Variants in PPFIA2 observed in about 807,000 individuals in gnomAD.
The protein encoded by PPFIA2 is liprin-alpha-2.
Under a neutral mutation model 175.5 loss-of-function variants are expected in PPFIA2, and 46 were observed. That is an observed-to-expected ratio of 0.26 (90% confidence interval 0.21 to 0.34). The LOEUF (loss-of-function observed/expected upper bound fraction) is 0.34, where lower values mean the gene tolerates loss of function less well. Among genes scored for constraint, PPFIA2 ranks in the 10% least tolerant of loss-of-function variants. The pLI is 1.00. For synonymous variants in PPFIA2, 568 were observed against 511.4 expected (o/e 1.11, Z -1.49); for missense variants, 1,179 against 1,506.1 (o/e 0.78, Z 3.60).
At chr12:81,356,798 A>G (rs1455872622) in intron 16 of PPFIA2, among the ~76,000 whole-genome samples, 1 of 152,202 alleles carries the variant, frequency 6.6e-6, no homozygotes, top group Non-Finnish European at 1.5e-5. Flanking sequence ...CAATTTGTAA[A>G]AAACTGACAA....
chr12:81,546,532 T>C (rs529032056), intron 4 of PPFIA2: 13 of 152,288 alleles, frequency 8.5e-5, no homozygotes, highest in African/African-American at 2.4e-4. Context: ...CTAGGATAAA[T>C]TTATTTTATT....
intron 4 of PPFIA2, among the ~76,000 whole-genome samples, chr12:81,637,703 A>G (rs1015702579): frequency 1.3e-5 from 2 of 152,148 alleles, no homozygotes; most frequent in Non-Finnish European, 2.9e-5. Context: ...ATGAAAGATG[A>G]TTAGCCATGG....
At chr12:81,588,948 T>TTAGC (rs2075657172) in intron 4 of PPFIA2, among the ~76,000 whole-genome samples, 1 of 152,104 alleles carries the variant, frequency 6.6e-6, no homozygotes, top group South Asian at 2.1e-4. Flanking sequence ...TAGAGTTATT[T>TTAGC]TAGCTAGGTA....
intron 4 of PPFIA2, among the ~76,000 whole-genome samples, chr12:81,644,825 T>C (rs2065833283): frequency 6.6e-6 from 1 of 152,140 alleles, no homozygotes; most frequent in South Asian, 2.1e-4. Context: ...AAATGAGCAG[T>C]GAAAATGCAT....
intron 4 of PPFIA2, among the ~76,000 whole-genome samples, chr12:81,644,803 T>C (rs182444384): frequency 4.6e-5 from 7 of 152,258 alleles, no homozygotes; most frequent in South Asian, 4.1e-4. Context: ...TTGAGCATGA[T>C]TTTAAGTCGC....
rs748566393 is a variant in PPFIA2 at position 81,277,338 on chromosome 12, C to A, written c.3289G>T (p.Ala1097Ser). Residue 1097 changes from alanine to serine, a missense_variant, in exon 28 of 33, where the codon GCA becomes TCA. Ala to Ser is a moderately conservative substitution (Grantham distance 99). Transcript: ENST00000549396. ...TTACCTTTTATTTCATGTTGGCTTGCTTCCCGTCTTCTTTCTAGTTCTTTT... is the reference window on the plus strand; with the variant it reads ...TTACCTTTTATTTCATGTTGGCTTGATTCCCGTCTTCTTTCTAGTTCTTTT... ...DRKELERRRE[A>S]SQHEIKDVLV... is the part of the protein sequence containing the mutation. The A allele has an allele frequency of 4.5e-6, 7 of 1,568,584 alleles. No homozygotes were observed. The highest frequency in any genetic ancestry group is 6.1e-6 in the Non-Finnish European group (7 of 1,155,884).
At chr12:81,475,847 G>A (rs1012337805) in intron 4 of PPFIA2, among the ~76,000 whole-genome samples, 58 of 152,180 alleles carry the variant, frequency 3.8e-4, no homozygotes, top group Non-Finnish European at 5.7e-4. Context: ...GAGTAGCTGG[G>A]ACTACAGGTG....
At chr12:81,467,422 C>T (rs2055878456) in intron 4 of PPFIA2, among the ~76,000 whole-genome samples, 2 of 152,212 alleles carry the variant, frequency 1.3e-5, no homozygotes, top group African/African-American at 4.8e-5. Flanking sequence ...GGCGTGGTGG[C>T]TCACGCTTGT....
intron 4 of PPFIA2, among the ~76,000 whole-genome samples, chr12:81,659,599 T>C (rs1341677827): frequency 2.0e-5 from 3 of 152,212 alleles, no homozygotes; most frequent in African/African-American, 2.4e-5. Context: ...AAGGAGGCCC[T>C]GCCTGCCTCT....
chr12:81,369,404 T>C (rs905639050), intron 11 of PPFIA2: 1 of 1,400,148 alleles, frequency 7.1e-7, no homozygotes, highest in African/African-American at 1.5e-5. Flanking sequence ...AGCAAAACAT[T>C]GGAGTTATTT....
At chr12:81,667,246 C>G (rs2070513389) in intron 4 of PPFIA2, among the ~76,000 whole-genome samples, 1 of 152,076 alleles carries the variant, frequency 6.6e-6, no homozygotes, top group South Asian at 2.1e-4. Context: ...TTACATAAAA[C>G]AATCTTTCCT....
At chr12:81,379,149 C>T (rs1459172014) in intron 9 of PPFIA2, among the ~76,000 whole-genome samples, 8 of 151,910 alleles carry the variant, frequency 5.3e-5, no homozygotes, top group Non-Finnish European at 7.4e-5. Context: ...GGCTGTGTTG[C>T]CAAAAATAAA....
intron 24 of PPFIA2, among the ~76,000 whole-genome samples, chr12:81,286,180 A>C (rs2043320151): frequency 6.6e-6 from 1 of 152,126 alleles, no homozygotes; most frequent in Non-Finnish European, 1.5e-5. Flanking sequence ...TTTGTGTTTT[A>C]AGCTAAGTAT....
chr12:81,281,982 C>G (rs763892759), intron 26 of PPFIA2, among the ~76,000 whole-genome samples: 1 of 151,888 alleles, frequency 6.6e-6, no homozygotes, highest in African/African-American at 2.4e-5. Flanking sequence ...CAAAGCAGGT[C>G]GTCAGCTTTC....
intron 3 of PPFIA2, among the ~76,000 whole-genome samples, chr12:81,742,644 G>T (rs1486042269): frequency 6.6e-6 from 1 of 152,178 alleles, no homozygotes; most frequent in African/African-American, 2.4e-5. Context: ...AAATTCTGAA[G>T]TCATCAACAT....
chr12:81,693,793 G>A (rs577268265), intron 3 of PPFIA2, among the ~76,000 whole-genome samples: 7 of 152,222 alleles, frequency 4.6e-5, no homozygotes, highest in South Asian at 4.1e-4. Flanking sequence ...TAGTAATATG[G>A]ATGGTAAGGT....
chr12:81,679,921 T>A (rs898630263), intron 3 of PPFIA2, among the ~76,000 whole-genome samples: 2 of 152,126 alleles, frequency 1.3e-5, no homozygotes, highest in African/African-American at 4.8e-5. Context: ...GGACATATGA[T>A]TACTACATAG....
rs914069995 is a variant in PPFIA2 at position 81,662,517 on chromosome 12, T to G, written c.303+14274A>C. Among the ~76,000 whole-genome samples, 8 of 152,278 alleles carry G rather than the reference T, an allele frequency of 5.3e-5. No homozygotes were observed. The South Asian group carries it at 8.3e-4, about 16-fold the overall frequency. The stretch of plus-strand genomic sequence containing the variant: ...CTAAACCAGGAAGAAGTTGAATCTC[T>G]GAATAGACCAATAACAGGCTCTGAA... On this transcript the variant is annotated intron_variant, in intron 4 of 32. Transcript: ENST00000549396.
At chr12:81,399,955 T>C (rs1239209726) in intron 8 of PPFIA2, among the ~76,000 whole-genome samples, 2 of 152,108 alleles carry the variant, frequency 1.3e-5, no homozygotes, top group African/African-American at 4.8e-5. Flanking sequence ...TTTGAAAGAA[T>C]GGTTGTTGGC....
Sources: gnomAD v4.1 joint callset for allele counts (sites outside exome capture counted in the v4.1 genomes callset) on GRCh38, gnomAD v4.1.1 for gene constraint, MANE v1.5 for transcripts, NCBI Gene and HGNC (gene_info 2026-07-23, HGNC 2026-07-21) for gene names.